The following TENM3 variants were observed in gnomAD, a reference collection of about 807,000 sequenced individuals.
TENM3 encodes teneurin transmembrane protein 3.
A neutral mutation model predicts 255.1 loss-of-function variants in TENM3; 63 were observed. That is an observed-to-expected ratio of 0.25 (90% confidence interval 0.20 to 0.30). The LOEUF is 0.30. TENM3 is among the 10% of genes least tolerant of loss of function. The pLI is 1.00. For missense variants in TENM3, 2,929 were observed against 3,461.1 expected, an observed-to-expected ratio of 0.85 and a Z score of 3.86; for synonymous variants, 1,306 against 1,322.3, an observed-to-expected ratio of 0.99 and a Z score of 0.27.
At chr4:182,086,585 T>G in the TENM3 span, among the ~76,000 whole-genome samples, 1 of 152,160 alleles carries the variant, frequency 6.6e-6, no homozygotes, top group Admixed American at 6.5e-5. Context: ...GGGCTTTTTG[T>G]AGGAAGGTGT....
At chr4:182,618,530 G>A (rs1386524631) in intron 4 of TENM3, among the ~76,000 whole-genome samples, 1 of 151,644 alleles carries the variant, frequency 6.6e-6, no homozygotes, top group Non-Finnish European at 1.5e-5. Flanking sequence ...ATCTTATGAT[G>A]GTAAGTTTTA....
chr4:182,428,440 G>A (rs1490048633), intron 3 of TENM3, among the ~76,000 whole-genome samples: 3 of 151,850 alleles, frequency 2.0e-5, no homozygotes, highest in African/African-American at 7.3e-5. Context: ...GCTGACTGAT[G>A]TTCCCATTTT....
chr4:182,050,035 C>A, the TENM3 span, among the ~76,000 whole-genome samples: 2 of 151,912 alleles, frequency 1.3e-5, no homozygotes, highest in African/African-American at 4.8e-5. Flanking sequence ...CTCTGTCTCC[C>A]AGGTTGGAGT....
chr4:181,925,767 G>T, the TENM3 span, among the ~76,000 whole-genome samples: 1 of 152,102 alleles, frequency 6.6e-6, no homozygotes, highest in African/African-American at 2.4e-5. Flanking sequence ...TTTATGTTTG[G>T]GTGGATGGCA....
At chr4:182,784,571 G>C (rs796782546) in intron 24 of TENM3, among the ~76,000 whole-genome samples, 4 of 151,940 alleles carry the variant, frequency 2.6e-5, no homozygotes, top group African/African-American at 9.7e-5. Context: ...TTGAGCTGTG[G>C]TGGGCTCCAC....
chr4:182,778,901 AG>A (rs1190240260), intron 24 of TENM3, among the ~76,000 whole-genome samples: 1 of 146,450 alleles, frequency 6.8e-6, no homozygotes, highest in Admixed American at 6.9e-5. Flanking sequence ...TTGTTATTTA[AG>A]TGTGTGTGTG....
intron 1 of TENM3, among the ~76,000 whole-genome samples, chr4:182,288,030 C>T (rs375421539): frequency 1.2e-4 from 19 of 152,054 alleles, no homozygotes; most frequent in African/African-American, 4.4e-4. Context: ...CTCTGCCTCC[C>T]GGGTTCAAGC....
At chr4:182,543,762 AT>A (rs577082994) in intron 3 of TENM3, among the ~76,000 whole-genome samples, 22 of 149,344 alleles carry the variant, frequency 1.5e-4, no homozygotes, top group East Asian at 2.0e-4. Flanking sequence ...AGAAAAGTAT[AT>A]TTTTTTTTTA....
the TENM3 span, among the ~76,000 whole-genome samples, chr4:181,681,776 A>C: frequency 6.6e-6 from 1 of 152,138 alleles, no homozygotes; most frequent in African/African-American, 2.4e-5. Context: ...GGGATAAAAC[A>C]AGATAAAGTG....
chr4:182,517,276 G>A (rs1738066755), intron 3 of TENM3, among the ~76,000 whole-genome samples: 1 of 151,910 alleles, frequency 6.6e-6, no homozygotes, highest in Admixed American at 6.6e-5. Context: ...CTGAAGTGTC[G>A]TGATTGTTGT....
intron 1 of TENM3, among the ~76,000 whole-genome samples, chr4:182,249,056 A>C (rs959560120): frequency 6.6e-6 from 1 of 152,208 alleles, no homozygotes; most frequent in African/African-American, 2.4e-5. Context: ...TGTGAGGTGT[A>C]TAGTTTTATT....
At chr4:182,083,489 T>G in the TENM3 span, among the ~76,000 whole-genome samples, 2 of 152,216 alleles carry the variant, frequency 1.3e-5, no homozygotes, top group African/African-American at 4.8e-5. Flanking sequence ...TTTTTATTTT[T>G]TTTCAGTCTT....
intron 13 of TENM3, among the ~76,000 whole-genome samples, chr4:182,719,616 G>A (rs1579227103): frequency 6.6e-6 from 1 of 151,988 alleles, no homozygotes; most frequent in African/African-American, 2.4e-5. Context: ...TCAGGAAGAT[G>A]TACCTAAAAC....
At chr4:182,100,774 C>CATAT in the TENM3 span, among the ~76,000 whole-genome samples, 3 of 33,166 alleles carry the variant, frequency 9.0e-5, no homozygotes, top group African/African-American at 1.3e-4. Context: ...TATATATACA[C>CATAT]ATATATATAC....
At chr4:181,679,209 A>G in the TENM3 span, among the ~76,000 whole-genome samples, 2,519 of 152,194 alleles carry the variant, frequency 0.017, 70 homozygotes, top group African/African-American at 0.057. Flanking sequence ...CAATCCAGCC[A>G]TTCTGTACCT....
At chr4:181,603,621 A>G in the TENM3 span, among the ~76,000 whole-genome samples, 1 of 152,240 alleles carries the variant, frequency 6.6e-6, no homozygotes, top group Admixed American at 6.5e-5. Context: ...GAAATATAGA[A>G]ATAATGAAAT....
Position 182,176,821 on chromosome 4 carries a change from A to AATTTTTTTT in TENM3, c.-76+32067_-76+32068insATTTTTTTT, listed in dbSNP as rs1561169609. ...GGACTACTAAATTAGCATCCGGCTA[A>AATTTTTTTT]TTTTTTTTTTTTTTTTTTTTTTTTT... is the stretch of plus-strand genomic sequence containing the variant. On this transcript the variant is annotated intron_variant, in intron 1 of 2. Transcript: ENST00000512480. Among the ~76,000 whole-genome samples the AATTTTTTTT allele has an allele frequency of 2.6e-5, 3 of 113,358 alleles. 1 individual carries two copies. Among genetic ancestry groups the AATTTTTTTT allele is most frequent in the African/African-American group, 9.9e-5 (3 of 30,416 alleles). The allele number at this position is 113,358 out of a possible 152,430, so 74.4% of individuals were successfully genotyped here. A position where few individuals can be genotyped will look rare whatever the true frequency, so the allele number is the denominator to read the frequency against.
chr4:182,561,617 G>GA (rs142650740), intron 3 of TENM3, among the ~76,000 whole-genome samples: 5,331 of 152,018 alleles, frequency 0.035, 115 homozygotes, highest in Middle Eastern at 0.069. Context: ...ATTTTAATGG[G>GA]AAGACTTTTT....
chr4:182,734,522 G>A (rs756298403), intron 16 of TENM3, among the ~76,000 whole-genome samples: 1 of 152,170 alleles, frequency 6.6e-6, no homozygotes, highest in Non-Finnish European at 1.5e-5. Context: ...ATATCCATGC[G>A]TATCCAGGGC....
Sources: gnomAD v4.1 joint callset for allele counts (sites outside exome capture counted in the v4.1 genomes callset) on GRCh38, gnomAD v4.1.1 for gene constraint, MANE v1.5 for transcripts, NCBI Gene and HGNC (gene_info 2026-07-23, HGNC 2026-07-21) for gene names.